The following XIST variants were observed in gnomAD, a reference collection of about 807,000 sequenced individuals.
The protein encoded by XIST is X inactive specific transcript.
rs779975432 is a variant in XIST at position 73,842,940 on chromosome X, G to A, written n.9784C>T. The stretch of plus-strand genomic sequence containing the variant: ...AAGGGGCAGAGAGAGGGAAGACTTC[G>A]TATATAAAGCATGACACCATGGCTA... On this transcript the variant is annotated non_coding_transcript_exon_variant, in exon 1 of 6. Transcript: ENST00000429829. 8.3e-5 allele frequency: 46 copies of A among 556,651 alleles called. No homozygotes were observed. In the South Asian group the frequency reaches 9.8e-4, roughly 12 times the overall value. 45.9% of individuals were successfully genotyped at this position (556,651 alleles called of 1,213,427 possible). A position where few individuals can be genotyped will look rare whatever the true frequency, so the allele number is the denominator to read the frequency against.
chrX:73,831,417 G>T, intron 3 of XIST: 1 of 373,051 alleles, frequency 2.7e-6, no homozygotes, highest in Non-Finnish European at 4.6e-6. Context: ...GTTGTGCGGA[G>T]CTGTTATATT....
At chrX:73,843,339 C>A (rs771274844) in exon 1 of XIST, 2 of 558,847 alleles carry the variant, frequency 3.6e-6, no homozygotes, top group South Asian at 4.4e-5. Flanking sequence ...GGAGTCTTAT[C>A]TAATGATCAG....
exon 6 of XIST, chrX:73,822,966 C>T (rs886177622): frequency 1.8e-6 from 1 of 556,966 alleles, no homozygotes. Context: ...AGATAAAGTG[C>T]ACTTTGGTTT....
intron 1 of XIST, chrX:73,837,557 G>T: frequency 2.0e-6 from 1 of 495,788 alleles, no homozygotes; most frequent in South Asian, 2.7e-5. Flanking sequence ...AATAAAATAT[G>T]GACTCTAGTT....
At chrX:73,841,244 C>A (rs73486571) in intron 1 of XIST, 7,401 of 375,223 alleles carry the variant, frequency 0.02, 176 homozygotes, top group African/African-American at 0.11. Flanking sequence ...ATTTCTCTCT[C>A]TATATATATA....
At chrX:73,847,353 T>C (rs1569512638) in exon 1 of XIST, 1 of 520,391 alleles carries the variant, frequency 1.9e-6, no homozygotes, top group Admixed American at 2.6e-5. Context: ...GCACTCCTGC[T>C]GCTTTGCCAA....
At chrX:73,848,364 C>A in exon 1 of XIST, 1 of 555,595 alleles carries the variant, frequency 1.8e-6, no homozygotes, top group Non-Finnish European at 3.2e-6. Context: ...GATGCAGGGA[C>A]CTTGATATAA....
exon 1 of XIST, chrX:73,852,661 G>A (rs746581331): frequency 2.1e-6 from 1 of 477,059 alleles, no homozygotes; most frequent in African/African-American, 2.5e-5. Context: ...AGAACCCCAA[G>A]TGCAGAGAGA....
exon 1 of XIST, chrX:73,850,048 T>C (rs770423585): frequency 5.4e-6 from 3 of 558,999 alleles, no homozygotes; most frequent in Admixed American, 4.4e-5. Flanking sequence ...GTTTCCTGTC[T>C]GATAAGTAGG....
chrX:73,831,007 C>T, intron 4 of XIST: 1 of 524,933 alleles, frequency 1.9e-6, no homozygotes, highest in Non-Finnish European at 3.4e-6. Flanking sequence ...GCAATGTATA[C>T]TGGAAAACAA....
rs375186074 is a variant in XIST, at chrX:73,822,860, C to G, written n.17041G>C. On this transcript the variant is annotated non_coding_transcript_exon_variant, in exon 6 of 6. Coordinates refer to ENST00000429829, the Ensembl canonical transcript of XIST. ...GATCTGTTTAGTTTTTCCTTAGTAT[C>G]GAACATATCACAGCTACTCAATGAA... 3 of 558,525 alleles carry G rather than the reference C, an allele frequency of 5.4e-6. No homozygotes were observed. In the South Asian group the frequency reaches 6.7e-5, roughly 12 times the overall value. 46.0% of individuals were successfully genotyped at this position (558,525 alleles called of 1,213,427 possible). A position where few individuals can be genotyped will look rare whatever the true frequency, so the allele number is the denominator to read the frequency against.
exon 1 of XIST, chrX:73,841,434 G>A: frequency 1.8e-6 from 1 of 554,984 alleles, no homozygotes; most frequent in South Asian, 2.3e-5. Flanking sequence ...GGAGCTAGTA[G>A]GGCAAACTGC....
chrX:73,828,975 A>C, intron 5 of XIST: 2 of 466,557 alleles, frequency 4.3e-6, no homozygotes, highest in Non-Finnish European at 7.6e-6. Context: ...TTCACATTAG[A>C]CCAACACACC....
exon 1 of XIST, chrX:73,852,567 A>T (rs775264770): frequency 2.8e-5 from 14 of 500,370 alleles, no homozygotes; most frequent in Admixed American, 1.5e-4. Flanking sequence ...TATAGAATTT[A>T]AAAAAATATT....
chrX:73,829,688 G>A (rs1373785221), intron 4 of XIST, among the ~76,000 whole-genome samples: 2 of 107,506 alleles, frequency 1.9e-5, no homozygotes, highest in Admixed American at 2.0e-4. Context: ...TACTTGGGAG[G>A]CTGAGGCAGG....
exon 6 of XIST, chrX:73,822,136 T>C (rs922268018): frequency 7.2e-6 from 4 of 557,262 alleles, no homozygotes; most frequent in African/African-American, 6.7e-5. Flanking sequence ...CTGGTACCAA[T>C]GAGACTGGGG....
At chrX:73,849,983 G>A (rs1187806975) in exon 1 of XIST, 4 of 555,290 alleles carry the variant, frequency 7.2e-6, no homozygotes, top group Non-Finnish European at 1.3e-5. Context: ...ACGAAAAATT[G>A]AAATACTCCA....
At chrX:73,822,738 T>C in exon 6 of XIST, 1 of 547,419 alleles carries the variant, frequency 1.8e-6, no homozygotes, top group Non-Finnish European at 3.3e-6. Context: ...AGCAGATATA[T>C]TTCATTTAGC....
chrX:73,823,811 A>T lies in XIST; in HGVS notation n.16090T>A, dbSNP rs73624269. 744 of 554,731 alleles carry T rather than the reference A, an allele frequency of 1.3e-3. 5 individuals are homozygous for T. In the African/African-American group the frequency reaches 0.014, roughly 10 times the overall value. The allele number at this position is 554,731 out of a possible 1,213,427, so 45.7% of individuals were successfully genotyped here. A position where few individuals can be genotyped will look rare whatever the true frequency, so the allele number is the denominator to read the frequency against. ...TTTCATCACTGAATAAACTTGTTAA[A>T]TGACTTTTGGTCTGGATCTCACACC... On this transcript the variant is annotated non_coding_transcript_exon_variant, in exon 6 of 6. Coordinates refer to ENST00000429829, the Ensembl canonical transcript of XIST.
Sources: allele counts gnomAD v4.1 joint callset (sites outside exome capture counted in the v4.1 genomes callset), GRCh38; gene constraint gnomAD v4.1.1; transcripts MANE v1.5; gene names NCBI Gene and HGNC (gene_info 2026-07-23, HGNC 2026-07-21).